SBF2: variants seen among roughly 807,000 people sequenced by gnomAD.
The protein encoded by SBF2 is myotubularin-related protein 13.
SBF2 carries 112 observed loss-of-function variants against 225.2 expected under a neutral mutation model. The observed-to-expected ratio is 0.50, with a 90% CI of 0.43 to 0.58. The LOEUF (loss-of-function observed/expected upper bound fraction) is 0.58, where lower values mean the gene tolerates loss of function less well. Among genes scored for constraint, SBF2 ranks in the 20% least tolerant of loss-of-function variants. The pLI is 0.00. For synonymous variants in SBF2, 763 were observed against 773.3 expected, an observed-to-expected ratio of 0.99 and a Z score of 0.22; for missense variants, 1,996 against 2,206.2, an observed-to-expected ratio of 0.90 and a Z score of 1.91.
At chr11:10,222,010 T>C (rs763645475) in intron 1 of SBF2, among the ~76,000 whole-genome samples, 9 of 152,190 alleles carry the variant, frequency 5.9e-5, no homozygotes, top group Non-Finnish European at 1.0e-4. Context: ...TTACAAACTC[T>C]GTACAAATTT....
intron 1 of SBF2, among the ~76,000 whole-genome samples, chr11:10,219,564 TTCTC>T (rs1173274021): frequency 6.6e-6 from 1 of 152,170 alleles, no homozygotes; most frequent in African/African-American, 2.4e-5. Flanking sequence ...CAGCTTGAAT[TTCTC>T]TCCAGAAAAT....
chr11:10,258,127 A>T (rs1410351973), intron 1 of SBF2, among the ~76,000 whole-genome samples: 1 of 143,576 alleles, frequency 7.0e-6, no homozygotes, highest in East Asian at 2.0e-4. Flanking sequence ...TTTTTTTGAG[A>T]CAGGATCTCC....
At chr11:10,056,764 G>T (rs1028688018) in intron 2 of SBF2, among the ~76,000 whole-genome samples, 4 of 151,704 alleles carry the variant, frequency 2.6e-5, no homozygotes, top group Non-Finnish European at 5.9e-5. Flanking sequence ...ACAGAGAACT[G>T]AATTTCCCCT....
chr11:10,294,106 C>A lies in SBF2; in HGVS notation c.-37G>T, dbSNP rs756232914. On this transcript the variant is annotated 5_prime_UTR_variant, in exon 1 of 40. Transcript: ENST00000256190. ...CCGCGCTCGGGAAGCGGGTCCCCGTCGCCGCCCTCGCCGCCGCCGCCCACC... is the reference window on the plus strand; with the variant it reads ...CCGCGCTCGGGAAGCGGGTCCCCGTAGCCGCCCTCGCCGCCGCCGCCCACC... The A allele has an allele frequency of 3.8e-6, 5 of 1,306,682 alleles. No individual in the cohort carries two copies. Among genetic ancestry groups the A allele is most frequent in the Admixed American group, 4.2e-5 (1 of 23,930 alleles). The allele number at this position is 1,306,682 out of a possible 1,614,324, so 80.9% of individuals were successfully genotyped here.
intron 1 of SBF2, among the ~76,000 whole-genome samples, chr11:10,285,234 T>C (rs1338930871): frequency 6.8e-6 from 1 of 146,992 alleles, no homozygotes; most frequent in African/African-American, 2.4e-5. Context: ...GAACTGAGCC[T>C]GGGAGATCAA....
rs763997218 is a variant in SBF2 at position 9,829,488 on chromosome 11, A to T, written c.3661T>A (p.Ser1221Thr). Residue 1221 changes from serine to threonine, a missense_variant, in exon 28 of 40, where the codon TCC (serine) becomes ACC (threonine). Ser to Thr is a moderately conservative substitution (Grantham distance 58, BLOSUM62 1). Coordinates refer to ENST00000256190, the MANE Select transcript of SBF2 (RefSeq NM_030962.4). ...ATGCTACTGGAAGATTCTAAAGAGG[A>T]GGTAGGAGCTATAAAAGGAAAATAT... is the stretch of plus-strand genomic sequence containing the variant. ...SQNSPQAAPT[S>T]SLESSSSIEQ... is the part of the protein sequence containing the mutation. 1.9e-6 allele frequency: 3 copies of T among 1,610,740 alleles called. No homozygotes were observed. In the South Asian group the frequency reaches 3.3e-5, roughly 18 times the overall value.
intron 16 of SBF2, among the ~76,000 whole-genome samples, chr11:9,901,526 C>T (rs1426871807): frequency 6.6e-6 from 1 of 152,184 alleles, no homozygotes; most frequent in African/African-American, 2.4e-5. Flanking sequence ...GGTAAAATTA[C>T]AGATCTGACA....
In SBF2 at chr11:9,795,738, T is replaced by A. The variant is rs754068210; in HGVS notation, c.4570+93A>T. 139 of 1,458,942 alleles carry A rather than the reference T, an allele frequency of 9.5e-5. 1 individual carries two copies. Among genetic ancestry groups the A allele is most frequent in the Non-Finnish European group, 1.2e-4 (127 of 1,050,810 alleles). 90.4% of individuals were successfully genotyped at this position (1,458,942 alleles called of 1,614,324 possible). On this transcript the variant is annotated intron_variant, in intron 33 of 39. Transcript: ENST00000256190. ...TTCAGAGTTAAACCTTAACTCAGCTTGTCAGTCTTGGGGATAGTTACATTA... is the reference window on the plus strand; with the variant it reads ...TTCAGAGTTAAACCTTAACTCAGCTAGTCAGTCTTGGGGATAGTTACATTA...
chr11:9,990,809 C>G (rs1383424414), intron 12 of SBF2, among the ~76,000 whole-genome samples: 3 of 152,102 alleles, frequency 2.0e-5, no homozygotes, highest in Non-Finnish European at 4.4e-5. Context: ...CTAACGCAGT[C>G]GAGTGGCTCT....
At chr11:10,188,011 T>C (rs904817022) in intron 2 of SBF2, among the ~76,000 whole-genome samples, 13 of 152,278 alleles carry the variant, frequency 8.5e-5, no homozygotes, top group Non-Finnish European at 1.6e-4. Context: ...AACATCCCTG[T>C]AGGAAAATTA....
chr11:10,014,390 T>C (rs1331123303), intron 6 of SBF2, among the ~76,000 whole-genome samples: 1 of 152,030 alleles, frequency 6.6e-6, no homozygotes, highest in African/African-American at 2.4e-5. Context: ...TTCATATTTG[T>C]ATGTTCCTTC....
chr11:10,160,083 G>C (rs1955665996), intron 2 of SBF2, among the ~76,000 whole-genome samples: 2 of 151,966 alleles, frequency 1.3e-5, no homozygotes, highest in African/African-American at 4.8e-5. Context: ...ACACGAAAAA[G>C]AAATAAAAGA....
At chr11:10,238,562 G>GTATAACC (rs1429651691) in intron 1 of SBF2, among the ~76,000 whole-genome samples, 1 of 136,454 alleles carries the variant, frequency 7.3e-6, no homozygotes, top group Non-Finnish European at 1.7e-5. Context: ...GTACCTAATG[G>GTATAACC]TATAACCTTG....
chr11:9,882,540 G>T (rs1381199670), intron 17 of SBF2, among the ~76,000 whole-genome samples: 2 of 152,148 alleles, frequency 1.3e-5, no homozygotes, highest in East Asian at 3.9e-4. Context: ...CGGGCATGGT[G>T]GCTCATGTCT....
intron 1 of SBF2, among the ~76,000 whole-genome samples, chr11:10,226,883 T>C (rs1309520842): frequency 6.6e-6 from 1 of 152,232 alleles, no homozygotes; most frequent in South Asian, 2.1e-4. Context: ...TTTCTAGTTC[T>C]AGATCCCTGA....
intron 20 of SBF2, among the ~76,000 whole-genome samples, 161 bp from the exon 21 acceptor site, chr11:9,852,910 T>C (rs1167493617): frequency 1.3e-5 from 2 of 152,158 alleles, no homozygotes; most frequent in Non-Finnish European, 2.9e-5. Context: ...TCTACATATA[T>C]ACCCAAAAGA....
Position 9,849,186 on chromosome 11 carries a change from T to G in SBF2, c.2806+837A>C, listed in dbSNP as rs1856754586. Among the ~76,000 whole-genome samples the G allele has an allele frequency of 2.0e-5, 3 of 152,172 alleles. No homozygotes were observed. The South Asian group carries it at 6.2e-4, about 31-fold the overall frequency. On this transcript the variant is annotated intron_variant, in intron 22 of 39. Coordinates refer to ENST00000256190, the MANE Select transcript of SBF2 (RefSeq NM_030962.4). ...GGTTGGGCCCAGAAACTGGTATTTT[T>G]TTTTAAAGATTCCCAGATAATTCAA...
chr11:10,292,716 G>A (rs921580245), intron 1 of SBF2, among the ~76,000 whole-genome samples: 2 of 151,518 alleles, frequency 1.3e-5, no homozygotes, highest in Non-Finnish European at 2.9e-5. Flanking sequence ...AAAGTGGGGA[G>A]GGGGGGAGGC....
intron 2 of SBF2, among the ~76,000 whole-genome samples, chr11:10,065,370 TAAATC>T (rs1194339073): frequency 6.6e-6 from 1 of 151,856 alleles, no homozygotes; most frequent in Non-Finnish European, 1.5e-5. Context: ...AAGAGAAAGT[TAAATC>T]AAAGTAAATA....
Sources: gnomAD v4.1 joint callset for allele counts (sites outside exome capture counted in the v4.1 genomes callset) on GRCh38, gnomAD v4.1.1 for gene constraint, MANE v1.5 for transcripts, NCBI Gene and HGNC (gene_info 2026-07-23, HGNC 2026-07-21) for gene names.